PIK3C2G: variants seen among roughly 807,000 people sequenced by gnomAD.
The protein encoded by PIK3C2G is phosphatidylinositol 3-kinase C2 domain-containing subunit gamma.
Under a neutral mutation model 181.1 loss-of-function variants are expected in PIK3C2G, and 168 were observed. That is an observed-to-expected ratio of 0.93 (90% confidence interval 0.82 to 1.05). The LOEUF (loss-of-function observed/expected upper bound fraction) is 1.05, where lower values mean the gene tolerates loss of function less well. PIK3C2G is among the 50% of genes least tolerant of loss of function. PIK3C2G has a pLI of 0.00. For synonymous variants in PIK3C2G, 573 were observed against 592.2 expected (o/e 0.97, Z 0.47); for missense variants, 1,869 against 1,732.8 (o/e 1.08, Z -1.40).
At chr12:18,671,740 A>G in the PIK3C2G span, among the ~76,000 whole-genome samples, 1 of 152,190 alleles carries the variant, frequency 6.6e-6, no homozygotes, top group African/African-American at 2.4e-5. Context: ...TTTTTCCAAA[A>G]TGCAAAAAGA....
At chr12:18,664,275 T>C in the PIK3C2G span, among the ~76,000 whole-genome samples, 1 of 152,212 alleles carries the variant, frequency 6.6e-6, no homozygotes, top group African/African-American at 2.4e-5. Context: ...GTTCTGAATA[T>C]ATACCAAAAA....
chr12:18,382,182 T>C (rs1193645147), intron 14 of PIK3C2G, among the ~76,000 whole-genome samples: 2 of 152,186 alleles, frequency 1.3e-5, no homozygotes, highest in Non-Finnish European at 2.9e-5. Context: ...TTCTATTGTC[T>C]AAAAACAGTC....
chr12:18,549,024 A>T (rs1366172107), intron 26 of PIK3C2G, among the ~76,000 whole-genome samples: 1 of 152,050 alleles, frequency 6.6e-6, no homozygotes, highest in African/African-American at 2.4e-5. Flanking sequence ...CAATGGAATC[A>T]TAAAATTTCT....
chr12:18,380,495 T>C (rs1375839583), intron 13 of PIK3C2G, among the ~76,000 whole-genome samples: 1 of 152,200 alleles, frequency 6.6e-6, no homozygotes, highest in African/African-American at 2.4e-5. Context: ...GCTCCTATGC[T>C]CTGACAGGCA....
At chr12:18,262,342 AAATGCATTAGCT>A (rs1218247809) in intron 1 of PIK3C2G, among the ~76,000 whole-genome samples, 1 of 152,096 alleles carries the variant, frequency 6.6e-6, no homozygotes, top group Admixed American at 6.6e-5. Flanking sequence ...TCTCCTTTTT[AAATGCATTAGCT>A]AATGTAATTA....
At chr12:18,259,493 G>A (rs768021641), upstream of PIK3C2G, among the ~76,000 whole-genome samples, 2 of 151,970 alleles carry the variant, frequency 1.3e-5, no homozygotes, top group East Asian at 1.9e-4. Flanking sequence ...AACTCATCTT[G>A]CAGTGTGTGT....
chr12:18,615,330 GGTGTGTGTGTGT>G (rs3055216), intron 31 of PIK3C2G, among the ~76,000 whole-genome samples: 33 of 138,218 alleles, frequency 2.4e-4, no homozygotes, highest in South Asian at 1.4e-3. Flanking sequence ...AGTATTCCAC[GGTGTGTGTGTGT>G]GTGTGTGTGT....
At chr12:18,691,507 A>C in the PIK3C2G span, among the ~76,000 whole-genome samples, 4 of 152,156 alleles carry the variant, frequency 2.6e-5, no homozygotes, top group Non-Finnish European at 5.9e-5. Context: ...GTTAACATAA[A>C]TATCTTAAGG....
intron 18 of PIK3C2G, among the ~76,000 whole-genome samples, chr12:18,443,079 C>T (rs536578107): frequency 6.6e-6 from 1 of 152,012 alleles, no homozygotes; most frequent in Non-Finnish European, 1.5e-5. Context: ...CCATTTTGGC[C>T]AGTTTGGTCT....
the PIK3C2G span, chr12:18,699,816 G>A: frequency 6.2e-7 from 1 of 1,613,222 alleles, no homozygotes; most frequent in Non-Finnish European, 8.5e-7. Flanking sequence ...AAAGTTTTCG[G>A]GCTTGTGTCT....
At chr12:18,450,713 A>G (rs1335433307) in intron 18 of PIK3C2G, among the ~76,000 whole-genome samples, 1 of 151,932 alleles carries the variant, frequency 6.6e-6, no homozygotes, top group African/African-American at 2.4e-5. Flanking sequence ...TTATGGTTTT[A>G]GATTTTAAGT....
the PIK3C2G span, among the ~76,000 whole-genome samples, chr12:18,700,983 G>T: frequency 3.6e-5 from 1 of 27,592 alleles, no homozygotes; most frequent in African/African-American, 5.3e-5. Context: ...CAATTATAGA[G>T]ATTTTTTTTT....
chr12:18,433,480 C>A (rs1946279984), intron 18 of PIK3C2G, among the ~76,000 whole-genome samples: 1 of 152,112 alleles, frequency 6.6e-6, no homozygotes, highest in East Asian at 1.9e-4. Flanking sequence ...GAGCCGAGAT[C>A]ACGCCATTGC....
chr12:18,537,918 T>C (rs1205512617), intron 24 of PIK3C2G, among the ~76,000 whole-genome samples: 1 of 152,020 alleles, frequency 6.6e-6, no homozygotes, highest in African/African-American at 2.4e-5. Context: ...ATTAAACATT[T>C]CAGACAATAT....
the PIK3C2G span, among the ~76,000 whole-genome samples, chr12:18,657,436 C>A: frequency 6.7e-6 from 1 of 148,814 alleles, no homozygotes; most frequent in African/African-American, 2.5e-5. Flanking sequence ...AAGACTATAG[C>A]AGAGTAGTAA....
intron 1 of PIK3C2G, among the ~76,000 whole-genome samples, chr12:18,250,670 A>C (rs1948087353): frequency 6.6e-6 from 1 of 152,160 alleles, no homozygotes; most frequent in African/African-American, 2.4e-5. Flanking sequence ...CCATTTTCCT[A>C]TGTCTGTGAC....
intron 18 of PIK3C2G, among the ~76,000 whole-genome samples, chr12:18,424,492 C>G (rs532226575): frequency 1.0e-3 from 157 of 152,264 alleles, no homozygotes; most frequent in Non-Finnish European, 1.8e-3. Context: ...GAGCACTAAA[C>G]TTTTCCCAAA....
At chr12:18,380,509 G>C (rs1942766589) in intron 13 of PIK3C2G, among the ~76,000 whole-genome samples, 1 of 151,962 alleles carries the variant, frequency 6.6e-6, no homozygotes, top group Non-Finnish European at 1.5e-5. Flanking sequence ...ACAGGCAAAG[G>C]GGAAAATTAC....
chr12:18,599,883 C>G (rs1947614361), intron 30 of PIK3C2G, among the ~76,000 whole-genome samples: 1 of 151,716 alleles, frequency 6.6e-6, no homozygotes, highest in African/African-American at 2.4e-5. Flanking sequence ...GTACAGTTCT[C>G]AATAAAGATA....
Sources: allele counts gnomAD v4.1 joint callset (sites outside exome capture counted in the v4.1 genomes callset), GRCh38; gene constraint gnomAD v4.1.1; transcripts MANE v1.5; gene names NCBI Gene and HGNC (gene_info 2026-07-23, HGNC 2026-07-21).